RP1: variants seen among roughly 807,000 people sequenced by gnomAD.
RP1 encodes the protein RP1 axonemal microtubule associated, also known as oxygen-regulated protein 1.
Under a neutral mutation model 14.8 loss-of-function variants are expected in RP1, and 16 were observed. The ratio of observed to expected loss-of-function variants is 1.08; its 90% CI spans 0.73 to 1.65. The LOEUF (loss-of-function observed/expected upper bound fraction) is 1.65. Ranked by LOEUF, RP1 falls within the 40% of genes most tolerant of loss-of-function variation. The pLI is 0.00. For missense variants in RP1, 2,631 were observed against 2,535.0 expected (o/e 1.04, Z -0.81); for synonymous variants, 876 against 883.6 (o/e 0.99, Z 0.15).
chr8:54,760,526 A>G (rs1809614061), intron 22 of RP1, among the ~76,000 whole-genome samples: 4 of 152,222 alleles, frequency 2.6e-5, no homozygotes, highest in South Asian at 2.1e-4. Flanking sequence ...TCTAAAAGCT[A>G]TATTTTAATC....
intron 18 of RP1, among the ~76,000 whole-genome samples, chr8:54,737,288 G>C (rs77414727): frequency 0.019 from 2,860 of 152,236 alleles, 38 homozygotes; most frequent in South Asian, 0.036. Context: ...TTTCCCCCCT[G>C]GCTGGCACAG....
At chr8:54,604,670 G>T (rs1805383366) in intron 1 of RP1, among the ~76,000 whole-genome samples, 1 of 152,096 alleles carries the variant, frequency 6.6e-6, no homozygotes, top group Non-Finnish European at 1.5e-5. Context: ...TCTGGTCCTG[G>T]ACTTTTTTTG....
At position 54,627,648 on chromosome 8, in the gene RP1, T is replaced by C; in HGVS notation, c.3766T>C (p.Cys1256Arg). ...APEVCVLEVTCSPCEMCTVNK... is the reference protein window; with the variant it reads ...APEVCVLEVTRSPCEMCTVNK... ...TGAAGTCTGTGTTTTGGAAGTGACTTGCTCTCCATGTGAGATGTGCACTGT... is the reference window on the plus strand; with the variant it reads ...TGAAGTCTGTGTTTTGGAAGTGACTCGCTCTCCATGTGAGATGTGCACTGT... Residue 1256 changes from cysteine to arginine, a missense_variant, in exon 4 of 4, where the codon TGC becomes CGC. Cys to Arg is a radical substitution (Grantham distance 180, BLOSUM62 -3). Coordinates refer to ENST00000220676, the MANE Select transcript of RP1 (RefSeq NM_006269.2). 1 of 1,614,212 alleles carries C rather than the reference T, an allele frequency of 6.2e-7. No individual in the cohort carries two copies.
chr8:54,652,689 C>T (rs1806679596), intron 4 of RP1: 6 of 781,104 alleles, frequency 7.7e-6, no homozygotes, highest in Non-Finnish European at 2.1e-6. Flanking sequence ...ATGAATTGAC[C>T]CCTTTATCAA....
chr8:54,613,579 G>C (rs1805646172), upstream of RP1, among the ~76,000 whole-genome samples: 1 of 152,216 alleles, frequency 6.6e-6, no homozygotes, highest in Admixed American at 6.5e-5. Context: ...GAAATGTATA[G>C]AGAGTATATT....
chr8:54,659,900 T>G (rs1330807138), intron 6 of RP1, among the ~76,000 whole-genome samples: 1 of 152,212 alleles, frequency 6.6e-6, no homozygotes, highest in Non-Finnish European at 1.5e-5. Context: ...AACAACGTTT[T>G]GTAGTTTTCA....
intron 24 of RP1, among the ~76,000 whole-genome samples, chr8:54,794,398 C>T (rs1352611414): frequency 7.4e-6 from 1 of 135,152 alleles, no homozygotes; most frequent in Non-Finnish European, 1.7e-5. Context: ...GAATCAAGAG[C>T]CCAGAAATAA....
At chr8:54,619,772 T>C (rs1805810832) in intron 1 of RP1, among the ~76,000 whole-genome samples, 1 of 152,196 alleles carries the variant, frequency 6.6e-6, no homozygotes, top group Non-Finnish European at 1.5e-5. Context: ...GTAAGATAAG[T>C]GGTGTGTGAG....
At chr8:54,814,482 A>G (rs886881523) in intron 24 of RP1, among the ~76,000 whole-genome samples, 2 of 152,220 alleles carry the variant, frequency 1.3e-5, no homozygotes, top group African/African-American at 4.8e-5. Flanking sequence ...GCCATAATGG[A>G]TAATCATTGG....
intron 12 of RP1, among the ~76,000 whole-genome samples, chr8:54,692,386 C>T (rs576129739): frequency 6.5e-5 from 4 of 61,564 alleles, no homozygotes; most frequent in South Asian, 8.6e-4. Context: ...CCTGAGGAAT[C>T]ACCACACTGA....
rs971645866 is a variant in RP1 at position 54,778,018 on chromosome 8, C to T, written c.3452-5529C>T. The stretch of plus-strand genomic sequence containing the variant: ...TAATAGTATCTTGAATATCCTTCCT[C>T]ATACAGGTAGCCATGCTTTTCAAAA... On this transcript the variant is annotated intron_variant, in intron 23 of 28. Transcript: ENST00000637698. Among the ~76,000 whole-genome samples, 3 of 152,210 alleles carry T rather than the reference C, an allele frequency of 2.0e-5. 1 individual carries two copies. Among genetic ancestry groups the T allele is most frequent in the Admixed American group, 2.0e-4 (3 of 15,280 alleles).
Position 54,625,302 on chromosome 8 carries a change from G to A in RP1, c.1420G>A (p.Glu474Lys). Residue 474 changes from glutamate (E) to lysine (K), a missense_variant, in exon 4 of 4, where the codon GAG (glutamate) becomes AAG (lysine). Transcript: ENST00000220676. ...CAGTGTGACCTTAGTATCTGAAACTGAGGTTCAAGAGAAAATGATTGGACA... is the reference window on the plus strand; with the variant it reads ...CAGTGTGACCTTAGTATCTGAAACTAAGGTTCAAGAGAAAATGATTGGACA... ...IGSVTLVSET[E>K]VQEKMIGQFS... is the part of the protein sequence containing the mutation. 1 of 1,614,178 alleles carries A rather than the reference G, an allele frequency of 6.2e-7. No individual in the cohort carries two copies. The highest frequency in any genetic ancestry group is 8.5e-7 in the Non-Finnish European group (1 of 1,180,034).
At chr8:54,602,469 C>T (rs1426883946) in intron 1 of RP1, among the ~76,000 whole-genome samples, 1 of 152,186 alleles carries the variant, frequency 6.6e-6, no homozygotes, top group Non-Finnish European at 1.5e-5. Context: ...CAGGTCTTTG[C>T]TATTGTGAAT....
At chr8:54,847,683 TGATA>T (rs943568046) in intron 25 of RP1, among the ~76,000 whole-genome samples, 1 of 152,246 alleles carries the variant, frequency 6.6e-6, no homozygotes, top group African/African-American at 2.4e-5. Flanking sequence ...GGTTGATTGC[TGATA>T]GATATCACAG....
rs141726662 is a variant in RP1 at position 54,675,181 on chromosome 8, A to G, written c.1402+1253A>G. Among the ~76,000 whole-genome samples, 22 of 152,316 alleles carry G rather than the reference A, an allele frequency of 1.4e-4. No individual in the cohort carries two copies. In the East Asian group the frequency reaches 2.3e-3, roughly 16 times the overall value. Reference sequence around the variant, plus strand: ...TAAACATGAAAGTTTAGGCAATGATATATCAGAAATATGTAAATAAAAGAA... The same window carrying G: ...TAAACATGAAAGTTTAGGCAATGATGTATCAGAAATATGTAAATAAAAGAA... On this transcript the variant is annotated intron_variant, in intron 8 of 22. Transcript: ENST00000636932.
chr8:54,796,980 G>C (rs1810591551), intron 24 of RP1, among the ~76,000 whole-genome samples: 1 of 152,162 alleles, frequency 6.6e-6, no homozygotes, highest in Non-Finnish European at 1.5e-5. Context: ...TCTATCATGG[G>C]GTGAAGAGAA....
chr8:54,649,032 G>A, exon 4 of RP1: 1 of 1,528,272 alleles, frequency 6.5e-7, no homozygotes, highest in African/African-American at 1.4e-5. Flanking sequence ...GCCAGATGCA[G>A]GGACCAGCTC....
In RP1 at chr8:54,729,557, G is replaced by A. The variant is rs985596754; in HGVS notation, c.2521+3081G>A. Among the ~76,000 whole-genome samples, 3 of 151,956 alleles carry A rather than the reference G, an allele frequency of 2.0e-5. No homozygotes were observed. The East Asian group carries it at 5.8e-4, about 29-fold the overall frequency. On this transcript the variant is annotated intron_variant, in intron 17 of 22. Transcript: ENST00000636932. ...TCCGAAAAAAAGTAGAACACATCAAGCATACAGGAAAATCTTAAAATTATA... is the reference window on the plus strand; with the variant it reads ...TCCGAAAAAAAGTAGAACACATCAAACATACAGGAAAATCTTAAAATTATA...
At chr8:54,772,694 G>A (rs1265699742), downstream of RP1, among the ~76,000 whole-genome samples, 1 of 152,186 alleles carries the variant, frequency 6.6e-6, no homozygotes, top group African/African-American at 2.4e-5. Flanking sequence ...CACACAAACA[G>A]ATTTAGAATT....
Sources: gnomAD v4.1 joint callset for allele counts (sites outside exome capture counted in the v4.1 genomes callset) on GRCh38, gnomAD v4.1.1 for gene constraint, MANE v1.5 for transcripts, NCBI Gene and HGNC (gene_info 2026-07-23, HGNC 2026-07-21) for gene names.